CA12: variants seen among roughly 807,000 people sequenced by gnomAD.
CA12 encodes the protein carbonic anhydrase 12, also known as carbonate dehydratase XII.
CA12 carries 36 observed loss-of-function variants against 46.8 expected under a neutral mutation model. The ratio of observed to expected loss-of-function variants is 0.77; its 90% CI spans 0.59 to 1.02. The LOEUF (loss-of-function observed/expected upper bound fraction) is 1.02, where lower values mean the gene tolerates loss of function less well. Among genes scored for constraint, CA12 ranks in the 50% least tolerant of loss-of-function variants. The pLI is 0.00. For missense variants in CA12, 436 were observed against 451.4 expected (o/e 0.97, Z 0.31); for synonymous variants, 202 against 187.0 (o/e 1.08, Z -0.65).
intron 2 of CA12, among the ~76,000 whole-genome samples, chr15:63,369,930 C>T (rs975491651): frequency 6.6e-6 from 1 of 152,172 alleles, no homozygotes. Flanking sequence ...GGCATTTTGG[C>T]AGCCACAGGC....
At position 63,323,811 on chromosome 15, in the gene CA12, G is replaced by GT. The variant is rs2152607768; in HGVS notation, c.*2473dup. On this transcript the variant is annotated 3_prime_UTR_variant, in exon 11 of 11. Coordinates refer to ENST00000178638, the MANE Select transcript of CA12 (RefSeq NM_001218.5). The surrounding 1 kb of genome is among the most constrained non-coding windows in gnomAD (Gnocchi z 5.1). ...AGAAACAGATACAGAGTTTTTTGTTGTTTTTTAACTATTTTACCAGATGAT... is the reference window on the plus strand; with the variant it reads ...AGAAACAGATACAGAGTTTTTTGTTGTTTTTTTAACTATTTTACCAGATGAT... 6.6e-6 allele frequency: 1 copy of GT among 152,358 alleles called. No individual in the cohort carries two copies. The highest frequency in any genetic ancestry group is 2.1e-4 in the South Asian group (1 of 4,834). 9.4% of individuals were successfully genotyped at this position (152,358 alleles called of 1,614,324 possible). A position where few individuals can be genotyped will look rare whatever the true frequency, so the allele number is the denominator to read the frequency against.
At chr15:63,364,306 A>C (rs1021026510) in intron 2 of CA12, among the ~76,000 whole-genome samples, 3 of 145,710 alleles carry the variant, frequency 2.1e-5, no homozygotes, top group African/African-American at 7.8e-5. Context: ...TGGGCAACAC[A>C]GTGAAACAGT....
chr15:63,352,079 T>A (rs1567048129), intron 2 of CA12, among the ~76,000 whole-genome samples: 1 of 152,212 alleles, frequency 6.6e-6, no homozygotes, highest in Non-Finnish European at 1.5e-5. Context: ...TTTTTGAGAC[T>A]GAGTCTTGCT....
intron 3 of CA12, 58 bp downstream of exon 3, chr15:63,346,472 C>G (rs2039149399): frequency 6.7e-7 from 1 of 1,481,878 alleles, no homozygotes; most frequent in Admixed American, 1.8e-5. Context: ...AAAGGACAGG[C>G]CTGGCAGCTG....
At chr15:63,349,552 T>C (rs1372975621) in intron 2 of CA12, among the ~76,000 whole-genome samples, 4 of 152,110 alleles carry the variant, frequency 2.6e-5, no homozygotes, top group Non-Finnish European at 4.4e-5. Context: ...ATTGTTATTA[T>C]ATTGTAGTAG....
At position 63,326,186 on chromosome 15, in the gene CA12, A is replaced by T; in HGVS notation, c.*99T>A. The T allele has an allele frequency of 1.1e-6, 1 of 930,802 alleles. No individual in the cohort carries two copies. Among genetic ancestry groups the T allele is most frequent in the Non-Finnish European group, 1.8e-6 (1 of 564,500 alleles). The allele number at this position is 930,802 out of a possible 1,614,324, so 57.7% of individuals were successfully genotyped here. A position where few individuals can be genotyped will look rare whatever the true frequency, so the allele number is the denominator to read the frequency against. On this transcript the variant is annotated 3_prime_UTR_variant, in exon 11 of 11. Coordinates refer to ENST00000178638, the MANE Select transcript of CA12 (RefSeq NM_001218.5). ...GCCTGGCATGTTTGCAGATTGAGCT[A>T]CAGAGAACACCTTGAGGTGTCGCAA...
chr15:63,326,817 A>T (rs1012072420), intron 10 of CA12, among the ~76,000 whole-genome samples: 1 of 152,230 alleles, frequency 6.6e-6, no homozygotes, highest in African/African-American at 2.4e-5. Context: ...AAGCATATGT[A>T]AAGATCTTGA....
chr15:63,358,225 G>A (rs566999521), intron 2 of CA12, among the ~76,000 whole-genome samples: 1 of 152,358 alleles, frequency 6.6e-6, no homozygotes, highest in East Asian at 1.9e-4. Context: ...GCAGAGTGCT[G>A]CAAGGCAGCT....
intron 2 of CA12, among the ~76,000 whole-genome samples, chr15:63,351,378 TGTCATAGCCTGGCTTGGG>T (rs2039229700): frequency 1.3e-5 from 2 of 152,180 alleles, no homozygotes; most frequent in Admixed American, 6.5e-5. Flanking sequence ...AGATCAATCT[TGTCATAGCCTGGCTTGGG>T]TGGCACCACC....
chr15:63,328,094 A>T lies in CA12; in HGVS notation c.907+4T>A. 1 of 1,614,020 alleles carries T rather than the reference A, an allele frequency of 6.2e-7. No individual in the cohort carries two copies. The highest frequency in any genetic ancestry group is 8.5e-7 in the Non-Finnish European group (1 of 1,179,886). On this transcript the variant is annotated splice_donor_region_variant and intron_variant, in intron 9 of 10. Transcript: ENST00000178638. This position sits in a 1 kb window ranked among gnomAD's most constrained non-coding sequence, Gnocchi z 5.9. Reference sequence around the variant, plus strand: ...CATGCACGGCTGGCTGCCCAGCCACATACCCAGACTCAGTCCTGCCGCAGT... The same window carrying T: ...CATGCACGGCTGGCTGCCCAGCCACTTACCCAGACTCAGTCCTGCCGCAGT...
In CA12 at chr15:63,321,596, CG is replaced by C. The variant is rs1000154834; in HGVS notation, c.*4688del. 5.3e-5 allele frequency: 8 copies of C among 152,206 alleles called. No homozygotes were observed. The highest frequency in any genetic ancestry group is 2.0e-4 in the Admixed American group (3 of 15,280). 9.4% of individuals were successfully genotyped at this position (152,206 alleles called of 1,614,324 possible). ...GCGGTCTCCAGTGTGGATGGCAGCC[CG>C]GCTGGAACGCACTGGCAGGTGGTCC... On this transcript the variant is annotated 3_prime_UTR_variant, in exon 11 of 11. Transcript: ENST00000178638. The surrounding 1 kb of genome is among the most constrained non-coding windows in gnomAD (Gnocchi z 4.5).
chr15:63,349,426 A>T (rs575381467), intron 2 of CA12, among the ~76,000 whole-genome samples: 4 of 152,148 alleles, frequency 2.6e-5, no homozygotes, highest in Non-Finnish European at 5.9e-5. Flanking sequence ...TGCATCAGGA[A>T]CCTGCCCTGG....
intron 1 of CA12, 60 bp from the exon 2 acceptor site, chr15:63,375,738 C>T (rs1689101549): frequency 2.3e-6 from 3 of 1,312,208 alleles, no homozygotes; most frequent in Non-Finnish European, 3.3e-6. Context: ...ATGGAAAACA[C>T]TACAGATTTT....
chr15:63,322,996 C>T lies in CA12; in HGVS notation c.*3289G>A, dbSNP rs2038813137. 1.3e-5 allele frequency: 2 copies of T among 152,212 alleles called. No homozygotes were observed. Among genetic ancestry groups the T allele is most frequent in the Admixed American group, 6.5e-5 (1 of 15,282 alleles). 9.4% of individuals were successfully genotyped at this position (152,212 alleles called of 1,614,324 possible). On this transcript the variant is annotated 3_prime_UTR_variant, in exon 11 of 11. Transcript: ENST00000178638. The surrounding 1 kb of genome is among the most constrained non-coding windows in gnomAD (Gnocchi z 4.1). ...CTATTTTATAACCTTTACTGGACTG[C>T]CTCTTTTTGCCCCAGTCAGAATGTG...
At chr15:63,333,357 G>A (rs2038959803) in intron 8 of CA12, among the ~76,000 whole-genome samples, 1 of 152,216 alleles carries the variant, frequency 6.6e-6, no homozygotes, top group Non-Finnish European at 1.5e-5. Flanking sequence ...GTGTTTAAGA[G>A]CAAGATGACA....
intron 1 of CA12, among the ~76,000 whole-genome samples, chr15:63,381,062 G>A (rs562049611): frequency 1.3e-5 from 2 of 151,670 alleles, no homozygotes; most frequent in Non-Finnish European, 2.9e-5. Flanking sequence ...GCGCGCGTGC[G>A]TGTGTGTGTG....
rs1271086042 is a variant in CA12, at chr15:63,355,596, C to T, written c.107-8887G>A. Among the ~76,000 whole-genome samples the T allele has an allele frequency of 1.3e-5, 2 of 152,226 alleles. No homozygotes were observed. The highest frequency in any genetic ancestry group is 2.9e-5 in the Non-Finnish European group (2 of 68,046). On this transcript the variant is annotated intron_variant, in intron 2 of 10. Transcript: ENST00000178638. This position sits in a 1 kb window ranked among gnomAD's most constrained non-coding sequence, Gnocchi z 4.1. Reference sequence around the variant, plus strand: ...TCAGCTCGCTTTCTGCATGCGTGTACACCTGGCTCCTGCTGCAGAGCCTGG... The same window carrying T: ...TCAGCTCGCTTTCTGCATGCGTGTATACCTGGCTCCTGCTGCAGAGCCTGG...
In CA12 at chr15:63,322,933, T is replaced by C. The variant is rs1163457449; in HGVS notation, c.*3352A>G. 6.6e-6 allele frequency: 1 copy of C among 152,238 alleles called. No homozygotes were observed. Among genetic ancestry groups the C allele is most frequent in the African/African-American group, 2.4e-5 (1 of 41,460 alleles). The allele number at this position is 152,238 out of a possible 1,614,324, so 9.4% of individuals were successfully genotyped here. Reference sequence around the variant, plus strand: ...AGGCTTAGGGTGATTATAGTGAAAATTGGATGCTTTTCTAAATAAGGCAAA... The same window carrying C: ...AGGCTTAGGGTGATTATAGTGAAAACTGGATGCTTTTCTAAATAAGGCAAA... On this transcript the variant is annotated 3_prime_UTR_variant, in exon 11 of 11. Coordinates refer to ENST00000178638, the MANE Select transcript of CA12 (RefSeq NM_001218.5). The surrounding 1 kb of genome is among the most constrained non-coding windows in gnomAD (Gnocchi z 4.1).
chr15:63,364,044 G>A lies in CA12; in HGVS notation c.106+11614C>T, dbSNP rs1301708217. Among the ~76,000 whole-genome samples the A allele has an allele frequency of 7.2e-5, 11 of 151,958 alleles. No individual in the cohort carries two copies. In the East Asian group the frequency reaches 1.2e-3, roughly 16 times the overall value. Reference sequence around the variant, plus strand: ...CTCTACTAAAAATACAAAATTAGCCGGGCGTGGTGGCGCATGCCTGTAATC... The same window carrying A: ...CTCTACTAAAAATACAAAATTAGCCAGGCGTGGTGGCGCATGCCTGTAATC... On this transcript the variant is annotated intron_variant, in intron 2 of 10. Transcript: ENST00000178638.
Sources: allele counts gnomAD v4.1 joint callset (sites outside exome capture counted in the v4.1 genomes callset), GRCh38; gene constraint gnomAD v4.1.1; non-coding constraint Gnocchi (gnomAD v3.1); transcripts MANE v1.5; gene names NCBI Gene and HGNC (gene_info 2026-07-23, HGNC 2026-07-21).